Variants in APBB2 observed in about 807,000 individuals in gnomAD.
The protein encoded by APBB2 is Fe65-like 1.
In APBB2, 38 loss-of-function variants were observed where a neutral mutation model predicts 82.5. That is an observed-to-expected ratio of 0.46 (90% CI 0.36 to 0.60). APBB2 has a LOEUF of 0.60. APBB2 is among the 20% of genes least tolerant of loss of function. The pLI is 0.00. For synonymous variants in APBB2, 341 were observed against 368.2 expected (o/e 0.93, Z 0.85); for missense variants, 772 against 972.3 (o/e 0.79, Z 2.74).
rs913326939 is a variant in APBB2 at position 40,945,290 on chromosome 4, C to A, written c.836-217G>T. ...CAAGTATAAGAATTGGAAAGGAAGG[C>A]TAACACCTGAGAACAGGGACACAAA... is the stretch of plus-strand genomic sequence containing the variant. On this transcript the variant is annotated intron_variant, in intron 6 of 17. Transcript: ENST00000508593. Among the ~76,000 whole-genome samples, 3 of 152,152 alleles carry A rather than the reference C, an allele frequency of 2.0e-5. No homozygotes were observed. In the East Asian group the frequency reaches 5.8e-4, roughly 29 times the overall value.
Position 40,944,858 on chromosome 4 carries a change from G to A in APBB2, c.1044+7C>T, listed in dbSNP as rs758285209. The A allele has an allele frequency of 4.0e-5, 65 of 1,611,886 alleles. No homozygotes were observed. Among genetic ancestry groups the A allele is most frequent in the South Asian group, 2.7e-4 (25 of 91,000 alleles). On this transcript the variant is annotated splice_region_variant and intron_variant, in intron 7 of 17. Coordinates refer to ENST00000508593, the MANE Select transcript of APBB2 (RefSeq NM_004307.2). ...TACTAAGCTGGTAAAAAGACACTCC[G>A]TTTTACCTCGTTCTCTGGGGTGGGA...
rs1560573254 is a variant in APBB2, at chr4:40,811,410, C to T, written c.*4682G>A. On this transcript the variant is annotated 3_prime_UTR_variant, in exon 18 of 18. Transcript: ENST00000508593. ...CTCTACTAAAAATATACAAATTGGC[C>T]AGGCGTGGCGGTGCATGCCTGTAAT... The T allele has an allele frequency of 6.6e-6, 1 of 152,052 alleles. No homozygotes were observed. 9.4% of individuals were successfully genotyped at this position (152,052 alleles called of 1,614,324 possible).
chr4:41,207,381 C>A (rs183366596), intron 1 of APBB2, among the ~76,000 whole-genome samples: 9 of 152,232 alleles, frequency 5.9e-5, no homozygotes, highest in African/African-American at 2.2e-4. Flanking sequence ...CTGCAGAGGT[C>A]TGGGCCAAGC....
intron 6 of APBB2, among the ~76,000 whole-genome samples, chr4:40,981,822 T>G (rs1578947237): frequency 1.3e-5 from 2 of 152,088 alleles, no homozygotes; most frequent in East Asian, 3.9e-4. Context: ...CCATTCAACT[T>G]GCCAGGCACA....
chr4:41,106,885 G>A (rs147619370), intron 2 of APBB2, among the ~76,000 whole-genome samples: 231 of 152,172 alleles, frequency 1.5e-3, no homozygotes, highest in Non-Finnish European at 2.1e-3. Flanking sequence ...TACAAGATAA[G>A]CCCAGAACAT....
intron 10 of APBB2, among the ~76,000 whole-genome samples, chr4:40,915,799 T>C (rs1164894797): frequency 4.6e-5 from 7 of 151,954 alleles, no homozygotes; most frequent in African/African-American, 7.3e-5. Context: ...AACCACAGCA[T>C]GGAGACCCAG....
chr4:40,852,354 A>C (rs1328123249), intron 12 of APBB2, among the ~76,000 whole-genome samples: 3 of 133,968 alleles, frequency 2.2e-5, no homozygotes, highest in African/African-American at 3.2e-5. Context: ...CTGTCTTCAA[A>C]AAAAAAAAAA....
intron 10 of APBB2, among the ~76,000 whole-genome samples, chr4:40,907,561 G>A (rs752060441): frequency 3.3e-4 from 50 of 150,870 alleles, no homozygotes; most frequent in Non-Finnish European, 3.8e-4. Context: ...AGTAGAGATG[G>A]GGTTTCGCCC....
At chr4:41,170,330 C>G (rs143622780) in intron 1 of APBB2, among the ~76,000 whole-genome samples, 21 of 152,332 alleles carry the variant, frequency 1.4e-4, no homozygotes, top group African/African-American at 4.8e-4. Context: ...CATTTGCATT[C>G]ATAAGCACCT....
At chr4:41,092,033 A>G (rs1741892051) in intron 3 of APBB2, among the ~76,000 whole-genome samples, 1 of 152,214 alleles carries the variant, frequency 6.6e-6, no homozygotes, top group Non-Finnish European at 1.5e-5. Flanking sequence ...AAAAGAATAA[A>G]TTGCCATTCT....
At chr4:41,188,107 G>A (rs1023201842) in intron 1 of APBB2, among the ~76,000 whole-genome samples, 44 of 152,144 alleles carry the variant, frequency 2.9e-4, no homozygotes, top group Non-Finnish European at 5.6e-4. Flanking sequence ...TTTTAGTTAT[G>A]TATCTTTCTA....
intron 2 of APBB2, among the ~76,000 whole-genome samples, chr4:41,131,482 T>A (rs1011191351): frequency 6.6e-6 from 1 of 152,176 alleles, no homozygotes; most frequent in Admixed American, 6.5e-5. Context: ...TACATAGATA[T>A]GTATTTTAGA....
In APBB2 at chr4:41,148,828, AC is replaced by A. The variant is rs1761478739; in HGVS notation, c.-416-5687del. On this transcript the variant is annotated intron_variant, in intron 1 of 17. Transcript: ENST00000508593. ...TCAGGTACCATTCTAGGTGATGGAG[AC>A]TGGCACTAAAAAAAAATTTCTGCTT... 2.0e-5 allele frequency among the ~76,000 whole-genome samples: 3 copies of A among 152,200 alleles called. No homozygotes were observed. In the South Asian group the frequency reaches 6.2e-4, roughly 32 times the overall value.
chr4:41,209,051 G>T (rs1014892495), intron 1 of APBB2, among the ~76,000 whole-genome samples: 4 of 152,112 alleles, frequency 2.6e-5, no homozygotes, highest in African/African-American at 9.7e-5. Flanking sequence ...CCAGTTGTGT[G>T]ACTTGACCTT....
At chr4:40,947,673 G>A (rs1351681028) in intron 6 of APBB2, among the ~76,000 whole-genome samples, 1 of 152,234 alleles carries the variant, frequency 6.6e-6, no homozygotes, top group Non-Finnish European at 1.5e-5. Flanking sequence ...GGTGACAGAT[G>A]CAAAGTGGGC....
rs1453737631 is a variant in APBB2, at chr4:40,826,516, A to T, written c.1733-546T>A. The T allele has an allele frequency of 6.3e-6, 1 of 157,710 alleles. No homozygotes were observed. Among genetic ancestry groups the T allele is most frequent in the Non-Finnish European group, 1.4e-5 (1 of 71,958 alleles). 9.8% of individuals were successfully genotyped at this position (157,710 alleles called of 1,614,324 possible). A position where few individuals can be genotyped will look rare whatever the true frequency, so the allele number is the denominator to read the frequency against. ...CTGCCATACCTGGCTAATTTTTTGT[A>T]TTTTAGTAGAGACAGGGTTTCACCA... On this transcript the variant is annotated intron_variant, in intron 14 of 17. Coordinates refer to ENST00000508593, the MANE Select transcript of APBB2 (RefSeq NM_004307.2). The surrounding 1 kb of genome is among the most constrained non-coding windows in gnomAD (Gnocchi z 4.5).
chr4:41,110,495 C>CA (rs1266099212), intron 2 of APBB2, among the ~76,000 whole-genome samples: 2 of 151,424 alleles, frequency 1.3e-5, no homozygotes, highest in African/African-American at 4.9e-5. Flanking sequence ...CCCAGCTACT[C>CA]AGGAGGCTGA....
intron 12 of APBB2, among the ~76,000 whole-genome samples, chr4:40,888,655 C>G (rs545891417): frequency 1.3e-4 from 20 of 150,962 alleles, no homozygotes; most frequent in African/African-American, 4.6e-4. Context: ...CTGCCTCGCA[C>G]ACGTATGTAA....
intron 1 of APBB2, among the ~76,000 whole-genome samples, chr4:41,150,684 T>C (rs1762033702): frequency 6.6e-6 from 1 of 152,218 alleles, no homozygotes; most frequent in Non-Finnish European, 1.5e-5. Flanking sequence ...ATTTCAGTAA[T>C]ATATATGCCT....
Sources: gnomAD v4.1 joint callset for allele counts (sites outside exome capture counted in the v4.1 genomes callset) on GRCh38, gnomAD v4.1.1 for gene constraint, Gnocchi (gnomAD v3.1) non-coding constraint, MANE v1.5 for transcripts, NCBI Gene and HGNC (gene_info 2026-07-23, HGNC 2026-07-21) for gene names.